The following PACS1 variants were observed in gnomAD, a reference collection of about 807,000 sequenced individuals.
PACS1 encodes phosphofurin acidic cluster sorting protein 1.
A neutral mutation model predicts 115.0 loss-of-function variants in PACS1; 24 were observed. The ratio of observed to expected loss-of-function variants is 0.21; its 90% CI spans 0.15 to 0.29. The LOEUF (loss-of-function observed/expected upper bound fraction) is 0.29, where lower values mean the gene tolerates loss of function less well. PACS1 is among the 10% of genes least tolerant of loss of function. The pLI is 1.00. For synonymous variants in PACS1, 453 were observed against 504.5 expected (o/e 0.90, Z 1.37); for missense variants, 838 against 1,251.2 (o/e 0.67, Z 4.98).
chr11:66,070,440 C>T lies in PACS1; in HGVS notation c.-47C>T. On this transcript the variant is annotated 5_prime_UTR_variant, in exon 1 of 24. Transcript: ENST00000320580. The surrounding 1 kb of genome is among the most constrained non-coding windows in gnomAD (Gnocchi z 5.9). ...CGCCGCCGCGGGGGAAGCCTGGGAGCCAGATCGGCGTCGCCTCGGCCTCCG... is the reference window on the plus strand; with the variant it reads ...CGCCGCCGCGGGGGAAGCCTGGGAGTCAGATCGGCGTCGCCTCGGCCTCCG... 8.9e-7 allele frequency: 1 copy of T among 1,122,812 alleles called. No individual in the cohort carries two copies. Among genetic ancestry groups the T allele is most frequent in the Non-Finnish European group, 1.1e-6 (1 of 891,626 alleles). 69.6% of individuals were successfully genotyped at this position (1,122,812 alleles called of 1,614,324 possible).
rs557715575 is a variant in PACS1, at chr11:66,185,935, A to G, written c.357-7551A>G. Among the ~76,000 whole-genome samples the G allele has an allele frequency of 2.6e-5, 4 of 152,256 alleles. No individual in the cohort carries two copies. The East Asian group carries it at 7.7e-4, about 29-fold the overall frequency. Reference sequence around the variant, plus strand: ...AGGTTCACCTGCATACACAACAGAAAAACCACAAAGAAGAGGTTTCTTTCT... The same window carrying G: ...AGGTTCACCTGCATACACAACAGAAGAACCACAAAGAAGAGGTTTCTTTCT... On this transcript the variant is annotated intron_variant, in intron 1 of 23. Transcript: ENST00000320580.
intron 1 of PACS1, among the ~76,000 whole-genome samples, chr11:66,164,236 G>T (rs1247507811): frequency 6.6e-6 from 1 of 152,074 alleles, no homozygotes; most frequent in African/African-American, 2.4e-5. Context: ...CAGAGTTAAT[G>T]ATTTCTTCCA....
At chr11:66,192,526 G>A (rs1854550900) in intron 1 of PACS1, among the ~76,000 whole-genome samples, 1 of 152,254 alleles carries the variant, frequency 6.6e-6, no homozygotes, top group African/African-American at 2.4e-5. Flanking sequence ...AGGGAGGGCT[G>A]TGGAGATGCA....
chr11:66,122,026 AGAG>A (rs964255083), intron 1 of PACS1, among the ~76,000 whole-genome samples: 1 of 152,246 alleles, frequency 6.6e-6, no homozygotes, highest in Non-Finnish European at 1.5e-5. Flanking sequence ...TCATAGCTAG[AGAG>A]GAGAAGTTAG....
intron 2 of PACS1, among the ~76,000 whole-genome samples, chr11:66,208,967 A>AT (rs202172573): frequency 6.6e-5 from 10 of 151,348 alleles, no homozygotes; most frequent in South Asian, 6.3e-4. Context: ...TTTAAAACTG[A>AT]TTTTTTTTTA....
At chr11:66,125,348 A>G (rs1359593762) in intron 1 of PACS1, among the ~76,000 whole-genome samples, 1 of 152,234 alleles carries the variant, frequency 6.6e-6, no homozygotes, top group Non-Finnish European at 1.5e-5. Flanking sequence ...TATTGCAATT[A>G]AATTTCTACT....
intron 1 of PACS1, among the ~76,000 whole-genome samples, chr11:66,153,706 G>A (rs1046483146): frequency 6.6e-6 from 1 of 152,190 alleles, no homozygotes. Context: ...GCGTGAACCC[G>A]GGAGACGGAG....
intron 2 of PACS1, among the ~76,000 whole-genome samples, chr11:66,210,034 TTATTGA>T (rs780632139): frequency 8.6e-5 from 13 of 151,986 alleles, no homozygotes; most frequent in Admixed American, 6.6e-5. Context: ...TTTCTTTTTA[TTATTGA>T]TATTATTTGA....
In PACS1 at chr11:66,230,826, AC is replaced by A; in HGVS notation, c.1516del (p.Arg506GlyfsTer8). 1 of 1,614,004 alleles carries A rather than the reference AC, an allele frequency of 6.2e-7. No individual in the cohort carries two copies. Among genetic ancestry groups the A allele is most frequent in the Non-Finnish European group, 8.5e-7 (1 of 1,179,978 alleles). On this transcript the variant is annotated frameshift_variant, in exon 13 of 24. Transcript: ENST00000320580. LOFTEE classifies it high-confidence loss of function. Reference sequence around the variant, plus strand: ...GCAGCAAAGTGGAGGGGGTGCACACACCCCGGCAGAAGAGGAGCACGCCCCT... The same window carrying A: ...GCAGCAAAGTGGAGGGGGTGCACACACCCGGCAGAAGAGGAGCACGCCCCT... ...SPSKVEGVHT[P>X]RQKRSTPLKE...
At chr11:66,148,924 TCAAAA>T (rs781547899) in intron 1 of PACS1, among the ~76,000 whole-genome samples, 1 of 152,024 alleles carries the variant, frequency 6.6e-6, no homozygotes, top group Non-Finnish European at 1.5e-5. Context: ...AGGCTCCATC[TCAAAA>T]CAAAACAAAA....
At chr11:66,141,908 C>T (rs957749447) in intron 1 of PACS1, among the ~76,000 whole-genome samples, 3 of 151,892 alleles carry the variant, frequency 2.0e-5, no homozygotes, top group Admixed American at 1.3e-4. Context: ...CGGGTTCAAG[C>T]GATTCTCCTG....
intron 1 of PACS1, among the ~76,000 whole-genome samples, chr11:66,101,359 A>G (rs1565106593): frequency 6.6e-6 from 1 of 152,198 alleles, no homozygotes; most frequent in African/African-American, 2.4e-5. Context: ...ATACACATAC[A>G]TACAGTGGGT....
At chr11:66,200,328 G>A (rs1483691547) in intron 2 of PACS1, among the ~76,000 whole-genome samples, 2 of 152,136 alleles carry the variant, frequency 1.3e-5, no homozygotes, top group African/African-American at 2.4e-5. Context: ...TCCACCTTGG[G>A]CAACAGAGTG....
intron 1 of PACS1, among the ~76,000 whole-genome samples, chr11:66,136,262 A>AAC (rs71270571): frequency 0.23 from 32,828 of 143,532 alleles, 3,720 homozygotes; most frequent in East Asian, 0.32. Context: ...CAATCCCGCT[A>AAC]ACACACACAC....
At chr11:66,176,370 CCT>C (rs1015918996) in intron 1 of PACS1, among the ~76,000 whole-genome samples, 4 of 151,972 alleles carry the variant, frequency 2.6e-5, no homozygotes, top group African/African-American at 4.8e-5. Context: ...ATGTTACTCC[CCT>C]GTCTAAAATC....
chr11:66,161,400 C>G (rs974719393), intron 1 of PACS1, among the ~76,000 whole-genome samples: 1 of 152,098 alleles, frequency 6.6e-6, no homozygotes, highest in Middle Eastern at 3.4e-3. Flanking sequence ...CTTCAGTGAG[C>G]CGAGATCACA....
chr11:66,174,475 G>A (rs1859807286), intron 1 of PACS1, among the ~76,000 whole-genome samples: 1 of 152,196 alleles, frequency 6.6e-6, no homozygotes, highest in African/African-American at 2.4e-5. Context: ...AGACTTGTAT[G>A]TTCATAACAT....
rs907681363 is a variant in PACS1 at position 66,236,528 on chromosome 11, A to C, written c.2250+588A>C. Among the ~76,000 whole-genome samples the C allele has an allele frequency of 2.0e-5, 3 of 152,156 alleles. No individual in the cohort carries two copies. Among genetic ancestry groups the C allele is most frequent in the Non-Finnish European group, 4.4e-5 (3 of 68,026 alleles). On this transcript the variant is annotated intron_variant, in intron 19 of 23. Coordinates refer to ENST00000320580, the MANE Select transcript of PACS1 (RefSeq NM_018026.4). The surrounding 1 kb of genome is among the most constrained non-coding windows in gnomAD (Gnocchi z 4.2). ...TTAACCAAGGAGAAATCTCTATACT[A>C]GTAAACTTTGAAAGTCAAGGAAGAA...
chr11:66,172,092 A>G (rs1859753784), intron 1 of PACS1, among the ~76,000 whole-genome samples: 1 of 152,154 alleles, frequency 6.6e-6, no homozygotes. Flanking sequence ...TAAATCAGAC[A>G]TTGCCATTCT....
Sources: gnomAD v4.1 joint callset for allele counts (sites outside exome capture counted in the v4.1 genomes callset) on GRCh38, gnomAD v4.1.1 for gene constraint, Gnocchi (gnomAD v3.1) non-coding constraint, MANE v1.5 for transcripts, NCBI Gene and HGNC (gene_info 2026-07-23, HGNC 2026-07-21) for gene names.